Variants in TMEM132D observed in about 807,000 individuals in gnomAD.
The protein encoded by TMEM132D is mature OL transmembrane protein.
TMEM132D carries 21 observed loss-of-function variants against 62.3 expected under a neutral mutation model. The observed-to-expected ratio is 0.34, with a 90% CI of 0.24 to 0.49. The LOEUF is 0.49. Ranked by LOEUF, TMEM132D falls within the 20% of genes least tolerant of loss-of-function variation. TMEM132D has a pLI of 0.99. For synonymous variants in TMEM132D, 621 were observed against 575.6 expected (o/e 1.08, Z -1.13); for missense variants, 1,346 against 1,402.8 (o/e 0.96, Z 0.65).
chr12:129,787,511 C>T (rs374184325), intron 1 of TMEM132D, among the ~76,000 whole-genome samples: 1 of 152,130 alleles, frequency 6.6e-6, no homozygotes, highest in Non-Finnish European at 1.5e-5. Flanking sequence ...ACAGAAAGAG[C>T]GAAGTTTTAT....
At chr12:129,503,972 TCAC>T (rs1457172876) in intron 3 of TMEM132D, among the ~76,000 whole-genome samples, 10 of 149,008 alleles carry the variant, frequency 6.7e-5, no homozygotes, top group Non-Finnish European at 8.9e-5. Flanking sequence ...GTCATCATCA[TCAC>T]TATTGTCATC....
intron 1 of TMEM132D, among the ~76,000 whole-genome samples, chr12:129,744,983 A>C (rs2137262154): frequency 6.6e-6 from 1 of 152,166 alleles, no homozygotes. Context: ...CGTGATAGTG[A>C]GTGAATTCTC....
At chr12:129,153,911 G>A (rs1023359218) in intron 5 of TMEM132D, among the ~76,000 whole-genome samples, 3 of 152,168 alleles carry the variant, frequency 2.0e-5, no homozygotes, top group Admixed American at 1.3e-4. Flanking sequence ...GATCAGGAGC[G>A]TGGGACACCT....
At chr12:129,834,046 C>A (rs551477076) in intron 1 of TMEM132D, among the ~76,000 whole-genome samples, 1 of 152,172 alleles carries the variant, frequency 6.6e-6, no homozygotes, top group Non-Finnish European at 1.5e-5. Context: ...CAGGAACTTT[C>A]GGATCACTGT....
At chr12:129,484,073 G>A (rs1324453434) in intron 3 of TMEM132D, among the ~76,000 whole-genome samples, 2 of 152,010 alleles carry the variant, frequency 1.3e-5, no homozygotes, top group Non-Finnish European at 2.9e-5. Flanking sequence ...GGGTTCAAGC[G>A]ATTCTTTTGC....
chr12:129,358,065 G>A (rs748917278), intron 3 of TMEM132D, among the ~76,000 whole-genome samples: 12 of 152,064 alleles, frequency 7.9e-5, no homozygotes, highest in Non-Finnish European at 1.5e-4. Flanking sequence ...TTTAATGTAC[G>A]TACTTTATAA....
intron 2 of TMEM132D, among the ~76,000 whole-genome samples, chr12:129,565,313 C>A (rs1440203086): frequency 6.6e-6 from 1 of 152,194 alleles, no homozygotes; most frequent in Non-Finnish European, 1.5e-5. Flanking sequence ...TAGACAAAAG[C>A]AGGGACTTGA....
chr12:129,112,573 G>T (rs1875752283), intron 5 of TMEM132D, among the ~76,000 whole-genome samples: 1 of 152,226 alleles, frequency 6.6e-6, no homozygotes, highest in Non-Finnish European at 1.5e-5. Context: ...TGAGGCAGGA[G>T]AATCACTTGA....
chr12:129,466,600 T>A (rs1873915641), intron 3 of TMEM132D, among the ~76,000 whole-genome samples: 1 of 152,160 alleles, frequency 6.6e-6, no homozygotes, highest in Non-Finnish European at 1.5e-5. Flanking sequence ...TAATGTTCAC[T>A]CATTAGCTCA....
rs146036074 is a variant in TMEM132D, at chr12:129,236,375, C to T, written c.1300-26712G>A. On this transcript the variant is annotated intron_variant, in intron 4 of 8. Coordinates refer to ENST00000422113, the MANE Select transcript of TMEM132D (RefSeq NM_133448.3). ...ACTGAAAATACAAAAATTAGCCAGG[C>T]GTGGTGGCGTGCGCCTGTGATCCCA... Among the ~76,000 whole-genome samples, 1,408 of 151,438 alleles carry T rather than the reference C, an allele frequency of 9.3e-3. 13 individuals carry two copies. Among genetic ancestry groups the T allele is most frequent in the African/African-American group, 0.029 (1,183 of 41,236 alleles).
At chr12:129,838,031 C>T (rs1873061540) in intron 1 of TMEM132D, among the ~76,000 whole-genome samples, 1 of 152,154 alleles carries the variant, frequency 6.6e-6, no homozygotes. Flanking sequence ...AGCTGCCCCA[C>T]CAAACAACGA....
chr12:129,326,853 A>T (rs1868929929), intron 4 of TMEM132D, among the ~76,000 whole-genome samples: 1 of 152,216 alleles, frequency 6.6e-6, no homozygotes. Flanking sequence ...TGAATTATAA[A>T]CTATAAATAA....
At chr12:129,530,602 C>T (rs1174407033) in intron 3 of TMEM132D, among the ~76,000 whole-genome samples, 1 of 152,214 alleles carries the variant, frequency 6.6e-6, no homozygotes, top group African/African-American at 2.4e-5. Context: ...CAGAAAATGC[C>T]TGCCCGTGAA....
chr12:129,756,642 C>T (rs1870179201), intron 1 of TMEM132D, among the ~76,000 whole-genome samples: 1 of 152,152 alleles, frequency 6.6e-6, no homozygotes. Flanking sequence ...CCAAATGCCA[C>T]TGAACTGTAC....
chr12:129,132,305 A>G (rs1301221322), intron 5 of TMEM132D, among the ~76,000 whole-genome samples: 1 of 152,214 alleles, frequency 6.6e-6, no homozygotes, highest in African/African-American at 2.4e-5. Context: ...GGAAACAAGA[A>G]TATGGTCCTT....
In TMEM132D at chr12:129,537,771, G is replaced by A. The variant is rs372199116; in HGVS notation, c.969-6566C>T. On this transcript the variant is annotated intron_variant, in intron 2 of 8. Coordinates refer to ENST00000422113, the MANE Select transcript of TMEM132D (RefSeq NM_133448.3). ...AATGGGGGGTCTCCACACCCCCACA[G>A]GGAAAAGCCAAGAATGCGGAAGCAT... Among the ~76,000 whole-genome samples the A allele has an allele frequency of 2.6e-5, 4 of 152,348 alleles. No homozygotes were observed. In the East Asian group the frequency reaches 7.7e-4, roughly 29 times the overall value.
chr12:129,220,700 T>G (rs1879323803), intron 4 of TMEM132D, among the ~76,000 whole-genome samples: 2 of 152,132 alleles, frequency 1.3e-5, no homozygotes, highest in African/African-American at 4.8e-5. Flanking sequence ...CATAAAGAAA[T>G]GGTACCTTGT....
chr12:129,397,200 T>C (rs1871455820), intron 3 of TMEM132D, among the ~76,000 whole-genome samples: 1 of 152,240 alleles, frequency 6.6e-6, no homozygotes, highest in African/African-American at 2.4e-5. Flanking sequence ...CATCTCAACA[T>C]AGAGAACTTA....
intron 3 of TMEM132D, among the ~76,000 whole-genome samples, chr12:129,507,883 G>C (rs1875385304): frequency 6.6e-6 from 1 of 152,028 alleles, no homozygotes; most frequent in African/African-American, 2.4e-5. Context: ...AAAATAGAAA[G>C]TCTATTGATT....
Sources: gnomAD v4.1 joint callset for allele counts (sites outside exome capture counted in the v4.1 genomes callset) on GRCh38, gnomAD v4.1.1 for gene constraint, MANE v1.5 for transcripts, NCBI Gene and HGNC (gene_info 2026-07-23, HGNC 2026-07-21) for gene names.